The following PTPRN2 variants were observed in gnomAD, a reference collection of about 807,000 sequenced individuals.
The protein encoded by PTPRN2 is receptor-type tyrosine-protein phosphatase N2.
In PTPRN2, 74 loss-of-function variants were observed where a neutral mutation model predicts 118.8. The observed-to-expected ratio is 0.62, with a 90% CI of 0.52 to 0.76. The LOEUF (loss-of-function observed/expected upper bound fraction) is 0.76, where lower values mean the gene tolerates loss of function less well. Ranked by LOEUF, PTPRN2 falls within the 30% of genes least tolerant of loss-of-function variation. The pLI, the probability that PTPRN2 is intolerant of heterozygous loss-of-function variation, is 0.00. For missense variants in PTPRN2, 1,481 were observed against 1,394.4 expected (o/e 1.06, Z -0.99); for synonymous variants, 641 against 608.0 (o/e 1.05, Z -0.80).
chr7:158,155,824 C>T (rs2150553976), intron 6 of PTPRN2, among the ~76,000 whole-genome samples: 1 of 150,070 alleles, frequency 6.7e-6, no homozygotes, highest in Admixed American at 6.7e-5. Flanking sequence ...TCATCACCAT[C>T]ACCCACCATC....
intron 1 of PTPRN2, among the ~76,000 whole-genome samples, chr7:158,527,172 T>C (rs1429415527): frequency 2.0e-5 from 3 of 152,028 alleles, no homozygotes; most frequent in African/African-American, 7.2e-5. Flanking sequence ...TCGGAGCAAA[T>C]GCAGCTGTGT....
At chr7:157,850,829 C>A (rs574991052) in intron 12 of PTPRN2, among the ~76,000 whole-genome samples, 1 of 152,340 alleles carries the variant, frequency 6.6e-6, no homozygotes, top group South Asian at 2.1e-4. Context: ...CATGCAGGAT[C>A]AGGAATGCTG....
intron 15 of PTPRN2, among the ~76,000 whole-genome samples, chr7:157,614,547 C>T (rs1317959453): frequency 6.6e-6 from 1 of 152,198 alleles, no homozygotes; most frequent in Non-Finnish European, 1.5e-5. Context: ...AAACAGACAA[C>T]AGATAACAGA....
intron 6 of PTPRN2, among the ~76,000 whole-genome samples, chr7:158,160,448 C>A (rs928969747): frequency 6.6e-6 from 1 of 152,200 alleles, no homozygotes; most frequent in African/African-American, 2.4e-5. Flanking sequence ...TCACACCAGC[C>A]GTCCCTGGGT....
At chr7:157,581,193 A>G (rs1800366987) in intron 17 of PTPRN2, among the ~76,000 whole-genome samples, 1 of 152,242 alleles carries the variant, frequency 6.6e-6, no homozygotes, top group African/African-American at 2.4e-5. Flanking sequence ...TTGCACCACC[A>G]TCCCTGGATC....
At chr7:157,584,444 C>T (rs1190176712) in intron 17 of PTPRN2, among the ~76,000 whole-genome samples, 2 of 152,136 alleles carry the variant, frequency 1.3e-5, no homozygotes, top group Admixed American at 1.3e-4. Flanking sequence ...AAAAGATAAC[C>T]GAAAGAAAAT....
chr7:157,771,614 A>T (rs1199973166), intron 12 of PTPRN2, among the ~76,000 whole-genome samples: 1 of 152,198 alleles, frequency 6.6e-6, no homozygotes, highest in African/African-American at 2.4e-5. Context: ...GCACAGGGAA[A>T]ATGTGCTGGC....
intron 1 of PTPRN2, among the ~76,000 whole-genome samples, chr7:158,533,721 G>A (rs1281149112): frequency 1.3e-5 from 2 of 152,208 alleles, no homozygotes; most frequent in East Asian, 1.9e-4. Context: ...CACCTATAAC[G>A]GACATCCTTT....
At chr7:158,396,665 G>A (rs776233122) in intron 2 of PTPRN2, among the ~76,000 whole-genome samples, 3 of 150,512 alleles carry the variant, frequency 2.0e-5, no homozygotes, top group Non-Finnish European at 4.4e-5. Context: ...AGGCTTGTGT[G>A]TGCTTTGTGT....
intron 12 of PTPRN2, among the ~76,000 whole-genome samples, chr7:157,855,404 C>T (rs56287355): frequency 0.22 from 33,906 of 152,098 alleles, 4,228 homozygotes; most frequent in East Asian, 0.4. Flanking sequence ...TTCCAAACAA[C>T]AAACAAACCC....
In PTPRN2 at chr7:157,954,191, T is replaced by G. The variant is rs7795993; in HGVS notation, c.1724-55454A>C. 1.5e-4 allele frequency among the ~76,000 whole-genome samples: 11 copies of G among 72,020 alleles called. 1 individual carries two copies. Among genetic ancestry groups the G allele is most frequent in the Non-Finnish European group, 1.3e-4 (4 of 31,822 alleles). 47.2% of individuals were successfully genotyped at this position (72,020 alleles called of 152,430 possible). A position where few individuals can be genotyped will look rare whatever the true frequency, so the allele number is the denominator to read the frequency against. On this transcript the variant is annotated intron_variant, in intron 11 of 22. Transcript: ENST00000389418. Reference sequence around the variant, plus strand: ...TGTGCTGTGTGGTGTGTGTGGTACATGTGTGCTGTGTGGTGTGTGTAGTCT... The same window carrying G: ...TGTGCTGTGTGGTGTGTGTGGTACAGGTGTGCTGTGTGGTGTGTGTAGTCT...
intron 11 of PTPRN2, among the ~76,000 whole-genome samples, chr7:158,064,843 C>T (rs1806608): frequency 0.061 from 9,265 of 152,194 alleles, 346 homozygotes; most frequent in Non-Finnish European, 0.088. Context: ...GCTGGGCTGT[C>T]GGGTGTCCCT....
At chr7:158,052,564 G>A (rs184012269) in intron 11 of PTPRN2, among the ~76,000 whole-genome samples, 10 of 151,794 alleles carry the variant, frequency 6.6e-5, no homozygotes, top group Non-Finnish European at 1.0e-4. Flanking sequence ...CGTGGGGGCC[G>A]TGGAGGGGCG....
intron 13 of PTPRN2, among the ~76,000 whole-genome samples, chr7:157,681,736 G>C (rs1796924280): frequency 6.6e-6 from 1 of 152,180 alleles, no homozygotes; most frequent in African/African-American, 2.4e-5. Context: ...GAGAGAGCTT[G>C]AGAGCCCACC....
chr7:158,291,084 G>A (rs1336040686), intron 3 of PTPRN2, among the ~76,000 whole-genome samples: 2 of 152,250 alleles, frequency 1.3e-5, no homozygotes, highest in Non-Finnish European at 2.9e-5. Context: ...GTGGGGAGTT[G>A]AGAACCTCAT....
At chr7:157,969,730 T>A (rs1005285205) in intron 11 of PTPRN2, among the ~76,000 whole-genome samples, 1 of 151,730 alleles carries the variant, frequency 6.6e-6, no homozygotes. Context: ...TTAGACAGAT[T>A]GGGCTGTGCA....
chr7:157,579,083 T>C (rs1371413270), intron 17 of PTPRN2, among the ~76,000 whole-genome samples: 1 of 152,324 alleles, frequency 6.6e-6, no homozygotes, highest in Non-Finnish European at 1.5e-5. Flanking sequence ...AAAACCCTCA[T>C]ATCCCAAATA....
At chr7:157,783,729 G>A (rs1435504844) in intron 12 of PTPRN2, among the ~76,000 whole-genome samples, 3 of 151,692 alleles carry the variant, frequency 2.0e-5, no homozygotes, top group East Asian at 3.9e-4. Flanking sequence ...TCAGCCTCCC[G>A]CCCCACTCCC....
chr7:158,102,059 GC>G (rs1175664795), intron 10 of PTPRN2, among the ~76,000 whole-genome samples: 1 of 152,166 alleles, frequency 6.6e-6, no homozygotes, highest in East Asian at 1.9e-4. Context: ...CCTCTCCCAA[GC>G]CCCAGATCGC....
Sources: allele counts gnomAD v4.1 joint callset (sites outside exome capture counted in the v4.1 genomes callset), GRCh38; gene constraint gnomAD v4.1.1; transcripts MANE v1.5; gene names NCBI Gene and HGNC (gene_info 2026-07-23, HGNC 2026-07-21).